Variants in DNAI3 observed in about 807,000 individuals in gnomAD.
DNAI3 encodes WD repeat domain 63.
In DNAI3, 83 loss-of-function variants were observed where a neutral mutation model predicts 115.5. The observed-to-expected ratio is 0.72, with a 90% CI of 0.60 to 0.86. The LOEUF is 0.86. Ranked by LOEUF, DNAI3 falls within the 40% of genes least tolerant of loss-of-function variation. The pLI is 0.00. For synonymous variants in DNAI3, 320 were observed against 347.0 expected (o/e 0.92, Z 0.86); for missense variants, 1,004 against 1,075.8 (o/e 0.93, Z 0.93).
At chr1:85,129,221 G>C (rs183177433) in intron 21 of DNAI3, among the ~76,000 whole-genome samples, 19 of 148,814 alleles carry the variant, frequency 1.3e-4, no homozygotes, top group African/African-American at 4.6e-4. Context: ...CTGAACTGGC[G>C]GTATTCTGCA....
chr1:85,091,371 A>G lies in DNAI3; in HGVS notation c.857+1139A>G, dbSNP rs557642374. 7.9e-5 allele frequency among the ~76,000 whole-genome samples: 12 copies of G among 152,344 alleles called. No individual in the cohort carries two copies. The South Asian group carries it at 8.3e-4, about 11-fold the overall frequency. On this transcript the variant is annotated intron_variant, in intron 8 of 22. Coordinates refer to ENST00000294664, the MANE Select transcript of DNAI3 (RefSeq NM_145172.5). ...CTTCCCTCTGAATTTCCATGCTTAT[A>G]AAGAAAAGAATAGTGGACAGCTTTA...
chr1:85,089,475 C>T (rs1049225626), intron 7 of DNAI3, among the ~76,000 whole-genome samples: 1 of 146,642 alleles, frequency 6.8e-6, no homozygotes, highest in African/African-American at 2.5e-5. Flanking sequence ...TAAGAGCATA[C>T]TAGATGGAGC....
intron 14 of DNAI3, among the ~76,000 whole-genome samples, chr1:85,105,186 G>A (rs1444528989): frequency 1.3e-5 from 2 of 152,016 alleles, no homozygotes; most frequent in African/African-American, 2.4e-5. Context: ...GACACCATAC[G>A]CCACAGAAAA....
intron 22 of DNAI3, 119 bp downstream of exon 22, chr1:85,130,231 C>A: frequency 7.1e-7 from 1 of 1,405,054 alleles, no homozygotes; most frequent in Non-Finnish European, 9.7e-7. Flanking sequence ...TTCTCTTGTT[C>A]TCATGAGAGT....
At chr1:85,128,626 C>T (rs1656219655) in intron 20 of DNAI3, 82 bp from the exon 21 acceptor site, 2 of 1,219,732 alleles carry the variant, frequency 1.6e-6, no homozygotes, top group East Asian at 2.4e-5. Context: ...GAACACAAAA[C>T]AAAAACATAC....
chr1:85,131,718 A>T (rs1299463151), intron 22 of DNAI3, among the ~76,000 whole-genome samples: 2 of 152,144 alleles, frequency 1.3e-5, no homozygotes, highest in African/African-American at 2.4e-5. Context: ...GTGGGAGAGA[A>T]TCTGCCACCC....
chr1:85,113,638 C>A (rs552826361), intron 16 of DNAI3, among the ~76,000 whole-genome samples: 1 of 141,596 alleles, frequency 7.1e-6, no homozygotes, highest in South Asian at 2.1e-4. Flanking sequence ...GTTAGTTTTC[C>A]AACCTTTTTT....
intron 13 of DNAI3, among the ~76,000 whole-genome samples, chr1:85,100,307 A>G (rs770395599): frequency 0.015 from 2,289 of 152,256 alleles, 27 homozygotes; most frequent in Non-Finnish European, 0.024. Context: ...CAAAAAGTGG[A>G]CGAAGGATAT....
At chr1:85,082,189 T>A in intron 4 of DNAI3, 111 bp from the exon 5 acceptor site, 1 of 824,760 alleles carries the variant, frequency 1.2e-6, no homozygotes, top group South Asian at 1.8e-5. Context: ...ATTAGCACAA[T>A]GGTTATCTTC....
In DNAI3 at chr1:85,115,489, G is replaced by C. The variant is rs543105070; in HGVS notation, c.1787-2240G>C. 8.5e-5 allele frequency among the ~76,000 whole-genome samples: 13 copies of C among 152,310 alleles called. No homozygotes were observed. The South Asian group carries it at 2.7e-3, about 32-fold the overall frequency. ...AAGCATTCAATAAATGTCAGATGCT[G>C]TTATTATTACTATCTCAAAGGATGG... On this transcript the variant is annotated intron_variant, in intron 16 of 22. Coordinates refer to ENST00000294664, the MANE Select transcript of DNAI3 (RefSeq NM_145172.5).
At chr1:85,127,672 G>A (rs898740442) in intron 20 of DNAI3, among the ~76,000 whole-genome samples, 12 of 152,192 alleles carry the variant, frequency 7.9e-5, no homozygotes, top group Non-Finnish European at 1.5e-4. Flanking sequence ...TCAGACTACT[G>A]CTTAGCCATA....
At chr1:85,095,858 C>CT in intron 10 of DNAI3, 73 bp from the exon 11 acceptor site, 1 of 1,411,436 alleles carries the variant, frequency 7.1e-7, no homozygotes, top group Admixed American at 1.7e-5. Flanking sequence ...TTTTAACTGT[C>CT]TTAATATTAT....
chr1:85,093,465 A>C lies in DNAI3; in HGVS notation c.865A>C (p.Ile289Leu). 1 of 1,613,664 alleles carries C rather than the reference A, an allele frequency of 6.2e-7. No homozygotes were observed. The highest frequency in any genetic ancestry group is 8.5e-7 in the Non-Finnish European group (1 of 1,179,874). Residue 289 changes from isoleucine to leucine, a missense_variant, in exon 9 of 23, where the codon ATA becomes CTA. Physicochemically the swap from Ile to Leu is conservative, Grantham distance 5 (BLOSUM62 2). Transcript: ENST00000294664. The part of the protein sequence containing the change: ...FLNNASISVE[I>L]ALQQNEIMNT... ...TTTATTTTTACAAATTAGTGTTGAA[A>C]TAGCCCTGCAGCAAAATGAAATCAT...
At chr1:85,101,088 A>G (rs931605740) in intron 13 of DNAI3, among the ~76,000 whole-genome samples, 5 of 151,872 alleles carry the variant, frequency 3.3e-5, no homozygotes, top group African/African-American at 4.8e-5. Context: ...AAACCTGCAC[A>G]TTGTGCACAT....
intron 13 of DNAI3, among the ~76,000 whole-genome samples, chr1:85,101,519 T>G (rs1344883318): frequency 1.3e-5 from 2 of 151,914 alleles, no homozygotes; most frequent in Non-Finnish European, 2.9e-5. Context: ...GGTCAGGAGA[T>G]GGAGACCATC....
At chr1:85,126,781 C>T in intron 20 of DNAI3, 66 bp downstream of exon 20, 1 of 1,555,926 alleles carries the variant, frequency 6.4e-7, no homozygotes, top group Non-Finnish European at 8.8e-7. Context: ...TGACATTCAT[C>T]TGAAAAGCCT....
chr1:85,108,096 G>T lies in DNAI3; in HGVS notation c.1617G>T (p.Lys539Asn). ...TAACCCCCCAAACAACAGAGAAAAAGAAGGAGGAAAGTATTGAAATTCCTT... is the reference window on the plus strand; with the variant it reads ...TAACCCCCCAAACAACAGAGAAAAATAAGGAGGAAAGTATTGAAATTCCTT... ...KPLTPQTTEKKKEESIEIPFD... is the reference protein window; with the variant it reads ...KPLTPQTTEKNKEESIEIPFD... The change falls in exon 15 of 23, where the codon AAG (lysine) becomes AAT (asparagine). Residue 539 changes from lysine (K) to asparagine (N), a missense_variant. Physicochemically the swap from Lys to Asn is moderately conservative, Grantham distance 94. Coordinates refer to ENST00000294664, the MANE Select transcript of DNAI3 (RefSeq NM_145172.5). 3.1e-6 allele frequency: 5 copies of T among 1,610,242 alleles called. No homozygotes were observed. The highest frequency in any genetic ancestry group is 4.2e-6 in the Non-Finnish European group (5 of 1,178,346).
At chr1:85,094,117 C>T (rs1441241601) in intron 9 of DNAI3, 19 of 421,684 alleles carry the variant, frequency 4.5e-5, no homozygotes, top group South Asian at 1.4e-4. Flanking sequence ...CTTTCTTCCT[C>T]CTTTCACCCT....
intron 1 of DNAI3, among the ~76,000 whole-genome samples, chr1:85,064,088 TA>T (rs751494711): frequency 6.6e-6 from 1 of 152,334 alleles, no homozygotes. Flanking sequence ...TATCATAATT[TA>T]AAAAATATTT....
Sources: gnomAD v4.1 joint callset for allele counts (sites outside exome capture counted in the v4.1 genomes callset) on GRCh38, gnomAD v4.1.1 for gene constraint, MANE v1.5 for transcripts, NCBI Gene and HGNC (gene_info 2026-07-23, HGNC 2026-07-21) for gene names.